The following FYCO1 variants were observed in gnomAD, a reference collection of about 807,000 sequenced individuals.
The protein encoded by FYCO1 is FYVE and coiled-coil domain autophagy adaptor 1.
In FYCO1, 122 loss-of-function variants were observed where a neutral mutation model predicts 165.1. The ratio of observed to expected loss-of-function variants is 0.74; its 90% confidence interval spans 0.64 to 0.86. The LOEUF is 0.86. FYCO1 is among the 40% of genes least tolerant of loss of function. The pLI, the probability that FYCO1 is intolerant of heterozygous loss-of-function variation, is 0.00. For synonymous variants in FYCO1, 648 were observed against 742.5 expected (o/e 0.87, Z 2.07); for missense variants, 1,702 against 1,810.3 (o/e 0.94, Z 1.09).
intron 11 of FYCO1, among the ~76,000 whole-genome samples, chr3:45,960,019 G>A (rs926347247): frequency 2.0e-5 from 3 of 152,136 alleles, no homozygotes; most frequent in Admixed American, 2.0e-4. Flanking sequence ...AGATTTCCTA[G>A]TGTGAAAATC....
In FYCO1 at chr3:45,962,496, C is replaced by A. The variant is rs1172424169; in HGVS notation, c.3270-104G>T. On this transcript the variant is annotated intron_variant, in intron 10 of 17. Coordinates refer to ENST00000296137, the MANE Select transcript of FYCO1 (RefSeq NM_024513.4). This position sits in a 1 kb window ranked among gnomAD's most constrained non-coding sequence, Gnocchi z 4.4. ...AATGAGGGGTGCTACTGCCCTCCGC[C>A]ATGGGGGAGCCCCTTGGTATCTGCT... 4 of 1,020,332 alleles carry A rather than the reference C, an allele frequency of 3.9e-6. No homozygotes were observed. Among genetic ancestry groups the A allele is most frequent in the African/African-American group, 1.6e-5 (1 of 63,164 alleles). 63.2% of individuals were successfully genotyped at this position (1,020,332 alleles called of 1,614,324 possible).
At chr3:45,976,729 A>AT (rs1559464961) in intron 4 of FYCO1, among the ~76,000 whole-genome samples, 1 of 152,246 alleles carries the variant, frequency 6.6e-6, no homozygotes. Flanking sequence ...GCTGTACCAC[A>AT]TATTTCCTGA....
Position 45,966,537 on chromosome 3 carries a change from G to C in FYCO1, c.2797C>G (p.Leu933Val). ...EEALACAVQE[L>V]QDAKEAASRE... The stretch of plus-strand genomic sequence containing the variant: ...GAGGCTGCCTCTTTGGCGTCCTGGA[G>C]CTCCTGGACAGCACAGGCCAGTGCC... Residue 933 changes from leucine to valine, a missense_variant, in exon 8 of 18, where the codon CTC (leucine) becomes GTC (valine). Transcript: ENST00000296137. The C allele has an allele frequency of 1.9e-6, 3 of 1,613,970 alleles. No individual in the cohort carries two copies. Among genetic ancestry groups the C allele is most frequent in the Non-Finnish European group, 2.5e-6 (3 of 1,179,866 alleles).
intron 2 of FYCO1, chr3:45,984,468 C>T (rs1470421934): frequency 1.1e-5 from 4 of 365,662 alleles, no homozygotes; most frequent in Non-Finnish European, 1.6e-5. Context: ...CTCTGTCCTT[C>T]CTGCTCAGTG....
At chr3:45,979,107 G>A (rs1011849953) in intron 4 of FYCO1, among the ~76,000 whole-genome samples, 2 of 151,982 alleles carry the variant, frequency 1.3e-5, no homozygotes, top group Admixed American at 6.6e-5. Flanking sequence ...TGATCTGCCC[G>A]CCTCGGCCTC....
Position 45,969,778 on chromosome 3 carries a change from A to AAAACAGACATACTGT in FYCO1, c.540-14_540-13insACAGTATGTCTGTTT. On this transcript the variant is annotated splice_polypyrimidine_tract_variant and intron_variant, in intron 6 of 17. Transcript: ENST00000296137. ...GGTCAGCGTCCTCCTGTGGGGCCAC[A>AAAACAGACATACTGT]AAACAGACATACCTGTATTCAGAGC... 1.2e-6 allele frequency: 2 copies of AAAACAGACATACTGT among 1,610,096 alleles called. No individual in the cohort carries two copies. The highest frequency in any genetic ancestry group is 3.3e-5 in the Admixed American group (2 of 59,998).
At chr3:45,975,486 G>C in intron 4 of FYCO1, 141 bp from the exon 5 acceptor site, 3 of 700,176 alleles carry the variant, frequency 4.3e-6, no homozygotes, top group South Asian at 1.5e-5. Context: ...TCCTTCAAAG[G>C]ACACAACACA....
intron 14 of FYCO1, chr3:45,946,288 T>C: frequency 1.8e-6 from 1 of 570,796 alleles, no homozygotes; most frequent in Non-Finnish European, 3.1e-6. Context: ...GTCTGAGCAA[T>C]TTCCCCTCAG....
intron 5 of FYCO1, among the ~76,000 whole-genome samples, chr3:45,973,980 G>A (rs765968679): frequency 6.6e-6 from 1 of 152,170 alleles, no homozygotes; most frequent in Non-Finnish European, 1.5e-5. Context: ...AGGATTGCTT[G>A]AACCCAGGAG....
At chr3:45,937,850 C>T (rs781687804) in intron 14 of FYCO1, among the ~76,000 whole-genome samples, 4 of 152,140 alleles carry the variant, frequency 2.6e-5, no homozygotes, top group Non-Finnish European at 5.9e-5. Context: ...GGTTTCCAGG[C>T]CCGCACCCTC....
At chr3:45,987,286 C>G (rs1478506565) in intron 1 of FYCO1, among the ~76,000 whole-genome samples, 1 of 152,222 alleles carries the variant, frequency 6.6e-6, no homozygotes, top group African/African-American at 2.4e-5. Flanking sequence ...ATTCTGTTTA[C>G]TGCCTTGATT....
rs1271699770 is a variant in FYCO1, at chr3:45,919,347, A to C, written c.*2418T>G. The stretch of plus-strand genomic sequence containing the variant: ...CTTGAGCTTAAACAGCAACCTAACA[A>C]AATACAAATGTCCACCCAGCACAAA... On this transcript the variant is annotated 3_prime_UTR_variant, in exon 18 of 18. Transcript: ENST00000296137. The C allele has an allele frequency of 6.6e-6, 1 of 152,248 alleles. No individual in the cohort carries two copies. The highest frequency in any genetic ancestry group is 1.5e-5 in the Non-Finnish European group (1 of 68,046). 9.4% of individuals were successfully genotyped at this position (152,248 alleles called of 1,614,324 possible).
intron 14 of FYCO1, among the ~76,000 whole-genome samples, chr3:45,940,202 C>A (rs947745681): frequency 2.0e-5 from 3 of 152,194 alleles, no homozygotes; most frequent in African/African-American, 7.2e-5. Context: ...GCCCCCCTCC[C>A]CCAGGAATGT....
At chr3:45,933,259 T>C (rs1376555497) in intron 15 of FYCO1, among the ~76,000 whole-genome samples, 2 of 152,220 alleles carry the variant, frequency 1.3e-5, no homozygotes, top group Non-Finnish European at 2.9e-5. Context: ...TACCAACACA[T>C]TTGCAGTGTT....
At chr3:45,972,283 C>T (rs1398316635) in intron 6 of FYCO1, among the ~76,000 whole-genome samples, 4 of 151,874 alleles carry the variant, frequency 2.6e-5, no homozygotes, top group African/African-American at 9.7e-5. Flanking sequence ...GGCAAGACTC[C>T]GTCCCTACAA....
Position 45,988,494 on chromosome 3 carries a change from A to G in FYCO1, c.-112-3472T>C, listed in dbSNP as rs188573680. ...TCAGGAGACACTCAAAGCTCTGTAC[A>G]TACTACCACGGCTGCCCCAGCACCA... On this transcript the variant is annotated intron_variant, in intron 1 of 17. Coordinates refer to ENST00000296137, the MANE Select transcript of FYCO1 (RefSeq NM_024513.4). 2.1e-3 allele frequency among the ~76,000 whole-genome samples: 318 copies of G among 152,222 alleles called. 1 individual carries two copies. The highest frequency in any genetic ancestry group is 6.2e-3 in the African/African-American group (259 of 41,524).
At chr3:45,922,626 C>T (rs1380814793) in intron 17 of FYCO1, among the ~76,000 whole-genome samples, 3 of 152,158 alleles carry the variant, frequency 2.0e-5, no homozygotes, top group Non-Finnish European at 4.4e-5. Flanking sequence ...CTGCTAACTC[C>T]AGGGGTGCTT....
chr3:45,983,668 C>A (rs1428111792), intron 2 of FYCO1, among the ~76,000 whole-genome samples: 1 of 152,176 alleles, frequency 6.6e-6, no homozygotes, highest in East Asian at 1.9e-4. Context: ...TATGGAGAGA[C>A]CTCTTAAAGC....
In FYCO1 at chr3:45,968,090, G is replaced by T. The variant is rs1189636724; in HGVS notation, c.1244C>A (p.Thr415Asn). ...CTGTCTGTTGACCTCCTCGACCTTG[G>T]TTCTCTCCCTTTCTAGGGCTTGAAG... ...EKLQALERERTKVEEVNRQQS... is the reference protein window; with the variant it reads ...EKLQALERERNKVEEVNRQQS... The change falls in exon 8 of 18, where the codon ACC (threonine) becomes AAC (asparagine). Residue 415 changes from threonine to asparagine, a missense_variant. Thr to Asn is a moderately conservative substitution (Grantham distance 65, BLOSUM62 0). Transcript: ENST00000296137. The T allele has an allele frequency of 6.2e-7, 1 of 1,614,098 alleles. No homozygotes were observed. The highest frequency in any genetic ancestry group is 1.1e-5 in the South Asian group (1 of 91,078).
Sources: gnomAD v4.1 joint callset for allele counts (sites outside exome capture counted in the v4.1 genomes callset) on GRCh38, gnomAD v4.1.1 for gene constraint, Gnocchi (gnomAD v3.1) non-coding constraint, MANE v1.5 for transcripts, NCBI Gene and HGNC (gene_info 2026-07-23, HGNC 2026-07-21) for gene names.